The following COL13A1 variants were observed in gnomAD, a reference collection of about 807,000 sequenced individuals.
COL13A1 encodes collagen type XIII alpha 1 chain.
In COL13A1, 89 loss-of-function variants were observed where a neutral mutation model predicts 130.9. That is an observed-to-expected ratio of 0.68 (90% CI 0.57 to 0.81). COL13A1 has a LOEUF of 0.81. Among genes scored for constraint, COL13A1 ranks in the 30% least tolerant of loss-of-function variants. The pLI is 0.00. For synonymous variants in COL13A1, 402 were observed against 341.6 expected, an observed-to-expected ratio of 1.18 and a Z score of -1.95; for missense variants, 879 against 934.6, an observed-to-expected ratio of 0.94 and a Z score of 0.78.
intron 2 of COL13A1, among the ~76,000 whole-genome samples, chr10:69,865,251 C>T (rs971958822): frequency 6.6e-6 from 1 of 152,192 alleles, no homozygotes; most frequent in Non-Finnish European, 1.5e-5. Context: ...TCCTTTGGTG[C>T]CTGGCCAGGG....
rs186529280 is a variant in COL13A1, at chr10:69,893,039, C to T, written c.604-1513C>T. Among the ~76,000 whole-genome samples the T allele has an allele frequency of 6.1e-4, 93 of 152,328 alleles. 1 individual carries two copies. Among genetic ancestry groups the T allele is most frequent in the African/African-American group, 2.2e-3 (91 of 41,578 alleles). ...GGTTCCCTGCCGGATGAATCATGTG[C>T]TGCAGAACTTCATTCTAAGCACTCT... On this transcript the variant is annotated intron_variant, in intron 10 of 40. Coordinates refer to ENST00000645393, the MANE Select transcript of COL13A1 (RefSeq NM_001368882.1).
chr10:69,810,952 G>C (rs1277432802), intron 1 of COL13A1, among the ~76,000 whole-genome samples: 1 of 152,212 alleles, frequency 6.6e-6, no homozygotes, highest in Non-Finnish European at 1.5e-5. Context: ...AGCACAAAGG[G>C]GCAGAACTGC....
At chr10:69,856,482 G>A (rs568560606) in intron 2 of COL13A1, among the ~76,000 whole-genome samples, 2 of 152,306 alleles carry the variant, frequency 1.3e-5, no homozygotes, top group Middle Eastern at 3.4e-3. Flanking sequence ...ATTAAGGACT[G>A]TGCCCATCAT....
In COL13A1 at chr10:69,905,833, G is replaced by C. The variant is rs1383638615; in HGVS notation, c.921+11G>C. Reference sequence around the variant, plus strand: ...TACCACGGCCGGAAGGTAAGATGGAGGGGGAGGACCCAAGTGGGGCAGGAC... The same window carrying C: ...TACCACGGCCGGAAGGTAAGATGGACGGGGAGGACCCAAGTGGGGCAGGAC... On this transcript the variant is annotated intron_variant, in intron 17 of 40. Coordinates refer to ENST00000645393, the MANE Select transcript of COL13A1 (RefSeq NM_001368882.1). The C allele has an allele frequency of 5.0e-6, 8 of 1,613,556 alleles. No homozygotes were observed. The highest frequency in any genetic ancestry group is 1.6e-4 in the Middle Eastern group (1 of 6,062).
rs2064852738 is a variant in COL13A1, at chr10:69,922,791, A to G, written c.1227A>G (p.Pro409=). 1 of 1,579,426 alleles carries G rather than the reference A, an allele frequency of 6.3e-7. No homozygotes were observed. Among genetic ancestry groups the G allele is most frequent in the Non-Finnish European group, 8.6e-7 (1 of 1,162,414 alleles). The part of the protein sequence containing the change: ...GPPGLPGPPG[P]KGEAGVDGQV... The stretch of plus-strand genomic sequence containing the variant: ...CAGGGCTCCCTGGGCCCCCAGGGCC[A>G]AAGGTGAGTGTTCCCTGGAATTGGT... Residue 409 remains proline (P), a synonymous_variant, in exon 23 of 41, where the codon CCA becomes CCG. Coordinates refer to ENST00000645393, the MANE Select transcript of COL13A1 (RefSeq NM_001368882.1).
At chr10:69,840,652 T>G (rs1161729859) in intron 2 of COL13A1, among the ~76,000 whole-genome samples, 3 of 152,150 alleles carry the variant, frequency 2.0e-5, no homozygotes, top group Non-Finnish European at 2.9e-5. Context: ...CACAGCAACT[T>G]AGGACCTCAG....
intron 4 of COL13A1, 25 bp from the exon 5 acceptor site, chr10:69,875,103 C>A: frequency 6.2e-7 from 1 of 1,614,006 alleles, no homozygotes; most frequent in Non-Finnish European, 8.5e-7. Context: ...CCACATCTGA[C>A]TGTTTCTGCC....
At chr10:69,832,491 C>T (rs1465577477) in intron 2 of COL13A1, among the ~76,000 whole-genome samples, 1 of 152,180 alleles carries the variant, frequency 6.6e-6, no homozygotes, top group African/African-American at 2.4e-5. Flanking sequence ...GAATATTTGG[C>T]GGACCTCGTG....
At chr10:69,877,930 T>C (rs1029944183) in intron 5 of COL13A1, 109 bp from the exon 6 acceptor site, 1 of 669,830 alleles carries the variant, frequency 1.5e-6, no homozygotes, top group Non-Finnish European at 2.8e-6. Flanking sequence ...TCTGTTTGGT[T>C]GTTGTGCTAT....
chr10:69,883,745 G>A (rs2060353666), intron 7 of COL13A1, among the ~76,000 whole-genome samples: 1 of 152,202 alleles, frequency 6.6e-6, no homozygotes, highest in Non-Finnish European at 1.5e-5. Context: ...GTTGGGCTTT[G>A]TCCTGAGGGT....
At chr10:69,805,623 A>G (rs1243267539) in intron 1 of COL13A1, among the ~76,000 whole-genome samples, 2 of 152,260 alleles carry the variant, frequency 1.3e-5, no homozygotes, top group Non-Finnish European at 2.9e-5. Flanking sequence ...GGAGCTGGAC[A>G]GTAGAGAGAA....
In COL13A1 at chr10:69,888,337, G is replaced by A. The variant is rs768378552; in HGVS notation, c.576+7G>A. The A allele has an allele frequency of 1.8e-5, 29 of 1,612,014 alleles. No individual in the cohort carries two copies. The highest frequency in any genetic ancestry group is 2.2e-5 in the Non-Finnish European group (26 of 1,179,182). ...TGGGCTGGACGGCAAACCGGTAAGTGGACCCGCTCTCTCCCCTCACTGCAG... is the reference window on the plus strand; with the variant it reads ...TGGGCTGGACGGCAAACCGGTAAGTAGACCCGCTCTCTCCCCTCACTGCAG... On this transcript the variant is annotated splice_region_variant and intron_variant, in intron 9 of 40. Coordinates refer to ENST00000645393, the MANE Select transcript of COL13A1 (RefSeq NM_001368882.1).
intron 38 of COL13A1, among the ~76,000 whole-genome samples, chr10:69,952,178 GCTGAGCACAAGGGGCCAT>G (rs2069675070): frequency 6.6e-6 from 1 of 152,258 alleles, no homozygotes; most frequent in Non-Finnish European, 1.5e-5. Flanking sequence ...GGAGAAGCCA[GCTGAGCACAAGGGGCCAT>G]CCGTGAGCTC....
At chr10:69,886,782 C>G (rs1264133589) in intron 7 of COL13A1, among the ~76,000 whole-genome samples, 1 of 152,220 alleles carries the variant, frequency 6.6e-6, no homozygotes, top group Non-Finnish European at 1.5e-5. Flanking sequence ...TCATAAACCA[C>G]TGGATCATAA....
intron 2 of COL13A1, among the ~76,000 whole-genome samples, chr10:69,824,888 G>A (rs889780052): frequency 1.2e-4 from 18 of 152,298 alleles, no homozygotes; most frequent in Admixed American, 4.6e-4. Flanking sequence ...ATGCTGTTCC[G>A]GCCTTTCGTA....
chr10:69,951,036 A>C (rs2069464617), intron 38 of COL13A1, among the ~76,000 whole-genome samples: 1 of 152,008 alleles, frequency 6.6e-6, no homozygotes, highest in African/African-American at 2.4e-5. Flanking sequence ...TTTAGTAGAG[A>C]TGGGGTTTTG....
rs1441431329 is a variant in COL13A1, at chr10:69,957,034, T to C, written c.2176T>C (p.Trp726Arg). ...GEDGLPVQGC[W>R]NK ...AGATGGCTTACCAGTCCAAGGCTGCTGGAACAAGGTAAGGCTTCCCATTGG... is the reference window on the plus strand; with the variant it reads ...AGATGGCTTACCAGTCCAAGGCTGCCGGAACAAGGTAAGGCTTCCCATTGG... Residue 726 changes from tryptophan (W) to arginine (R), a missense_variant, in exon 40 of 41, where the codon TGG (tryptophan) becomes CGG (arginine). By Grantham distance (101) the Trp-to-Arg change is moderately radical. Around this residue, in one of 3 missense-constraint regions of COL13A1, gnomAD observed 68 missense variants for 65.8 expected, o/e 1.03. Coordinates refer to ENST00000645393, the MANE Select transcript of COL13A1 (RefSeq NM_001368882.1). The C allele has an allele frequency of 6.2e-7, 1 of 1,613,618 alleles. No homozygotes were observed. The highest frequency in any genetic ancestry group is 8.5e-7 in the Non-Finnish European group (1 of 1,179,674).
chr10:69,936,771 C>T lies in COL13A1; in HGVS notation c.1786C>T (p.Pro596Ser). ...CCAAATGCAGGGGCTCCAAGGTGTT[C>T]CTGGACCAAAGGTAAGGAGAAGTCA... ...PPGPPGLQGVPGPKGEAGLDG... is the reference protein window; with the variant it reads ...PPGPPGLQGVSGPKGEAGLDG... The change falls in exon 33 of 41, where the codon CCT becomes TCT. Residue 596 changes from proline to serine, a missense_variant. Pro to Ser is a moderately conservative substitution (Grantham distance 74, BLOSUM62 -1). This residue lies in a region of COL13A1 where 96 missense variants were observed against 147.7 expected (regional missense o/e 0.65). Coordinates refer to ENST00000645393, the MANE Select transcript of COL13A1 (RefSeq NM_001368882.1). 6.2e-7 allele frequency: 1 copy of T among 1,613,958 alleles called. No individual in the cohort carries two copies. Among genetic ancestry groups the T allele is most frequent in the South Asian group, 1.1e-5 (1 of 91,084 alleles).
At chr10:69,937,996 C>A (rs963742589) in intron 34 of COL13A1, among the ~76,000 whole-genome samples, 3 of 152,212 alleles carry the variant, frequency 2.0e-5, no homozygotes, top group Non-Finnish European at 2.9e-5. Context: ...CCTGCTTGAG[C>A]CTGGTTCAGA....
Sources: gnomAD v4.1 joint callset for allele counts (sites outside exome capture counted in the v4.1 genomes callset) on GRCh38, gnomAD v4.1.1 for gene constraint, gnomAD v4.1.1 regional missense constraint, MANE v1.5 for transcripts, NCBI Gene and HGNC (gene_info 2026-07-23, HGNC 2026-07-21) for gene names.